The following GPT2 variants were observed in gnomAD, a reference collection of about 807,000 sequenced individuals.
GPT2 encodes the protein glutamic--pyruvic transaminase 2.
In GPT2, 30 loss-of-function variants were observed where a neutral mutation model predicts 56.9. That is an observed-to-expected ratio of 0.53 (90% CI 0.39 to 0.72). The LOEUF (loss-of-function observed/expected upper bound fraction) is 0.72. Ranked by LOEUF, GPT2 falls within the 30% of genes least tolerant of loss-of-function variation. The pLI is 0.00. For synonymous variants in GPT2, 271 were observed against 283.1 expected, an observed-to-expected ratio of 0.96 and a Z score of 0.43; for missense variants, 542 against 703.4, an observed-to-expected ratio of 0.77 and a Z score of 2.60.
intron 2 of GPT2, among the ~76,000 whole-genome samples, chr16:46,893,275 C>T (rs758249370): frequency 3.9e-5 from 6 of 152,270 alleles, no homozygotes; most frequent in East Asian, 1.9e-4. Context: ...GGACTACAGG[C>T]GCGTGCCACC....
At chr16:46,907,501 C>T (rs535949585) in intron 5 of GPT2, among the ~76,000 whole-genome samples, 5 of 152,308 alleles carry the variant, frequency 3.3e-5, no homozygotes, top group Middle Eastern at 3.4e-3. Flanking sequence ...GAGTAGACAC[C>T]GACCTGAGGG....
intron 3 of GPT2, among the ~76,000 whole-genome samples, chr16:46,900,332 C>T (rs911938587): frequency 1.1e-4 from 16 of 152,116 alleles, no homozygotes; most frequent in Non-Finnish European, 4.4e-5. Flanking sequence ...AGCTGGGCAT[C>T]GCCTGCCCCC....
intron 4 of GPT2, among the ~76,000 whole-genome samples, chr16:46,904,196 C>G (rs1960876593): frequency 6.6e-6 from 1 of 152,194 alleles, no homozygotes; most frequent in Non-Finnish European, 1.5e-5. Context: ...AGCCCCTGCC[C>G]TGGAGGAACC....
At chr16:46,917,015 TA>T (rs1205523319) in intron 7 of GPT2, among the ~76,000 whole-genome samples, 1 of 152,088 alleles carries the variant, frequency 6.6e-6, no homozygotes, top group Non-Finnish European at 1.5e-5. Flanking sequence ...GCTTGGACCT[TA>T]TCTTTCAGGT....
chr16:46,919,175 C>T (rs941696867), intron 8 of GPT2, among the ~76,000 whole-genome samples: 6 of 152,216 alleles, frequency 3.9e-5, no homozygotes, highest in African/African-American at 9.6e-5. Flanking sequence ...AAAGGGTCAG[C>T]TGTAATCCTG....
intron 10 of GPT2, among the ~76,000 whole-genome samples, chr16:46,925,731 G>T (rs1445510164): frequency 6.6e-6 from 1 of 152,128 alleles, no homozygotes; most frequent in Admixed American, 6.5e-5. Context: ...TGCTGAGGTG[G>T]GAGGATCGCC....
chr16:46,926,892 A>G, intron 10 of GPT2, 33 bp from the exon 11 acceptor site: 2 of 1,412,984 alleles, frequency 1.4e-6, no homozygotes, highest in Non-Finnish European at 9.5e-7. Flanking sequence ...TTGCAAAGCC[A>G]GGAATGATCA....
intron 6 of GPT2, 32 bp from the exon 7 acceptor site, chr16:46,916,596 C>T: frequency 6.5e-7 from 1 of 1,537,270 alleles, no homozygotes; most frequent in Non-Finnish European, 9.0e-7. Flanking sequence ...AGCATTACAA[C>T]CGACATTTTG....
chr16:46,910,524 C>G (rs972320360), intron 6 of GPT2, among the ~76,000 whole-genome samples: 1 of 151,844 alleles, frequency 6.6e-6, no homozygotes, highest in African/African-American at 2.4e-5. Context: ...CACTGCACTC[C>G]AGCCTGGGCA....
Position 46,884,694 on chromosome 16 carries a change from G to C in GPT2, c.-22G>C. ...TGTTCTTTTTCTCTTTTTGTGCCAG[G>C]GTTTCTCTCCGCAAGCGCGCGATGC... On this transcript the variant is annotated splice_region_variant and 5_prime_UTR_variant, in exon 2 of 12. Coordinates refer to ENST00000340124, the MANE Select transcript of GPT2 (RefSeq NM_133443.4). The C allele has an allele frequency of 7.3e-7, 1 of 1,372,122 alleles. No homozygotes were observed. Among genetic ancestry groups the C allele is most frequent in the African/African-American group, 1.5e-5 (1 of 66,548 alleles). The allele number at this position is 1,372,122 out of a possible 1,614,324, so 85.0% of individuals were successfully genotyped here.
At chr16:46,895,868 G>A (rs1248123401) in intron 2 of GPT2, among the ~76,000 whole-genome samples, 3 of 152,176 alleles carry the variant, frequency 2.0e-5, no homozygotes, top group Non-Finnish European at 4.4e-5. Context: ...TACTGATTTT[G>A]AAAAGGCCAT....
chr16:46,910,242 A>G (rs747830075), intron 6 of GPT2, among the ~76,000 whole-genome samples: 2 of 152,030 alleles, frequency 1.3e-5, no homozygotes, highest in Non-Finnish European at 2.9e-5. Context: ...TTAGCAGGGC[A>G]TGGTGGTGTG....
chr16:46,922,362 C>A lies in GPT2; in HGVS notation c.1158C>A (p.Asp386Glu), dbSNP rs767927917. Reference sequence around the variant, plus strand: ...CAGTGTCTGGGCAGGCCGCCATGGACATTGTCGTGAACCCCCCGGTGGCAG... The same window carrying A: ...CAGTGTCTGGGCAGGCCGCCATGGAAATTGTCGTGAACCCCCCGGTGGCAG... ...CPPVSGQAAM[D>E]IVVNPPVAGE... Residue 386 changes from aspartate (D) to glutamate (E), a missense_variant, in exon 9 of 12, where the codon GAC becomes GAA. Transcript: ENST00000340124. The A allele has an allele frequency of 1.9e-6, 3 of 1,614,042 alleles. No individual in the cohort carries two copies. The South Asian group carries it at 3.3e-5, about 18-fold the overall frequency.
chr16:46,925,760 G>C (rs1238937117), intron 10 of GPT2, among the ~76,000 whole-genome samples: 1 of 152,090 alleles, frequency 6.6e-6, no homozygotes, highest in African/African-American at 2.4e-5. Flanking sequence ...GGAGGTTGCG[G>C]CTACAGTGAG....
At chr16:46,908,045 TG>T (rs1369239118) in intron 5 of GPT2, among the ~76,000 whole-genome samples, 1 of 144,410 alleles carries the variant, frequency 6.9e-6, no homozygotes, top group Non-Finnish European at 1.5e-5. Context: ...GTCCTGGGCT[TG>T]GGGGACTGGT....
At chr16:46,892,629 A>G (rs1454163580) in intron 2 of GPT2, among the ~76,000 whole-genome samples, 1 of 152,216 alleles carries the variant, frequency 6.6e-6, no homozygotes, top group African/African-American at 2.4e-5. Context: ...GCTAACAAGT[A>G]TGAGATGATA....
rs11865477 is a variant in GPT2, at chr16:46,889,607, G to A, written c.243+4649G>A. The stretch of plus-strand genomic sequence containing the variant: ...AGGCTTCCAATAGGATGAACCCTCC[G>A]CCTACCCAGCCTGCCCAAGTCAGTC... On this transcript the variant is annotated intron_variant, in intron 2 of 11. Transcript: ENST00000340124. 3.6e-3 allele frequency among the ~76,000 whole-genome samples: 553 copies of A among 152,162 alleles called. 3 individuals are homozygous for A. The highest frequency in any genetic ancestry group is 0.013 in the African/African-American group (530 of 41,522).
At chr16:46,912,223 TTGGAGGGTGGAACTG>T (rs1018438105) in intron 6 of GPT2, among the ~76,000 whole-genome samples, 28 of 152,186 alleles carry the variant, frequency 1.8e-4, no homozygotes, top group African/African-American at 6.7e-4. Flanking sequence ...ACTGAAGGGA[TTGGAGGGTGGAACTG>T]TGGAGTGCAG....
rs1961507282 is a variant in GPT2, at chr16:46,930,009, T to C, written c.*1012T>C. 1 of 152,974 alleles carries C rather than the reference T, an allele frequency of 6.5e-6. No individual in the cohort carries two copies. The highest frequency in any genetic ancestry group is 2.1e-4 in the South Asian group (1 of 4,832). The allele number at this position is 152,974 out of a possible 1,614,324, so 9.5% of individuals were successfully genotyped here. On this transcript the variant is annotated 3_prime_UTR_variant, in exon 12 of 12. Transcript: ENST00000340124. Reference sequence around the variant, plus strand: ...CTTTCTTGAATGGTGGCGAGCTGAATCTGGTCGGTTTCCTAGCTTTTAGGT... The same window carrying C: ...CTTTCTTGAATGGTGGCGAGCTGAACCTGGTCGGTTTCCTAGCTTTTAGGT...
Sources: gnomAD v4.1 joint callset for allele counts (sites outside exome capture counted in the v4.1 genomes callset) on GRCh38, gnomAD v4.1.1 for gene constraint, MANE v1.5 for transcripts, NCBI Gene and HGNC (gene_info 2026-07-23, HGNC 2026-07-21) for gene names.